IL24: variants seen among roughly 807,000 people sequenced by gnomAD.
The protein encoded by IL24 is interleukin-24.
Under a neutral mutation model 27.6 loss-of-function variants are expected in IL24, and 24 were observed. The ratio of observed to expected loss-of-function variants is 0.87; its 90% CI spans 0.63 to 1.22. IL24 has a LOEUF of 1.22. Ranked by LOEUF, IL24 falls within the 50% of genes most tolerant of loss-of-function variation. IL24 has a pLI of 0.00. For synonymous variants in IL24, 99 were observed against 93.1 expected, an observed-to-expected ratio of 1.06 and a Z score of -0.36; for missense variants, 240 against 237.0, an observed-to-expected ratio of 1.01 and a Z score of -0.08.
chr1:206,897,917 C>T lies in IL24; in HGVS notation c.44+41C>T, dbSNP rs1403617971. ...CCTGTAATCCCAGAACTTTGGGAGG[C>T]TGAGGTGGGCAGATCATTTAAGGTC... On this transcript the variant is annotated intron_variant, in intron 2 of 6. Coordinates refer to ENST00000294984, the MANE Select transcript of IL24 (RefSeq NM_006850.3). 14 of 1,340,954 alleles carry T rather than the reference C, an allele frequency of 1.0e-5. No individual in the cohort carries two copies. In the Admixed American group the frequency reaches 1.9e-4, roughly 18 times the overall value. The allele number at this position is 1,340,954 out of a possible 1,614,324, so 83.1% of individuals were successfully genotyped here.
chr1:206,902,968 C>T lies in IL24; in HGVS notation c.538-8C>T. On this transcript the variant is annotated splice_region_variant and splice_polypyrimidine_tract_variant and intron_variant, in intron 6 of 6. Coordinates refer to ENST00000294984, the MANE Select transcript of IL24 (RefSeq NM_006850.3). ...CATGGCTGACCTTCAACCCTCTTTT[C>T]CCTTTAGTTGGACGTAGAAGCAGCT... is the stretch of plus-strand genomic sequence containing the variant. 2 of 1,614,148 alleles carry T rather than the reference C, an allele frequency of 1.2e-6. No homozygotes were observed. The highest frequency in any genetic ancestry group is 1.7e-6 in the Non-Finnish European group (2 of 1,180,000).
At chr1:206,898,115 C>G (rs548712770) in intron 2 of IL24, among the ~76,000 whole-genome samples, 2 of 145,322 alleles carry the variant, frequency 1.4e-5, no homozygotes, top group Non-Finnish European at 3.0e-5. Context: ...TGCAGTGAGC[C>G]GAGATCATGC....
rs764357673 is a variant in IL24, at chr1:206,902,054, C to A, written c.519C>A (p.Phe173Leu). ...GTGCACACAGGCGGTTTCTGCTATTCCGGAGAGCATTCAAACAGGTAAGGC... is the reference window on the plus strand; with the variant it reads ...GTGCACACAGGCGGTTTCTGCTATTACGGAGAGCATTCAAACAGGTAAGGC... Reference protein sequence around the residue: ...RDSAHRRFLLFRRAFKQLDVE... With the variant: ...RDSAHRRFLLLRRAFKQLDVE... The change falls in exon 6 of 7, where the codon TTC (phenylalanine) becomes TTA (leucine). Residue 173 changes from phenylalanine (F) to leucine (L), a missense_variant. Transcript: ENST00000294984. 8 of 1,613,906 alleles carry A rather than the reference C, an allele frequency of 5.0e-6. No homozygotes were observed. In the Admixed American group the frequency reaches 5.0e-5, roughly 10 times the overall value.
At chr1:206,898,414 A>T (rs1678242190) in intron 2 of IL24, among the ~76,000 whole-genome samples, 1 of 151,850 alleles carries the variant, frequency 6.6e-6, no homozygotes, top group African/African-American at 2.4e-5. Flanking sequence ...TGTGTAAAGA[A>T]GTACGAAAGA....
At chr1:206,897,694 G>A in intron 1 of IL24, 37 bp from the exon 2 acceptor site, 2 of 746,384 alleles carry the variant, frequency 2.7e-6, no homozygotes, top group Admixed American at 2.4e-5. Context: ...GTCAAGGTGG[G>A]GACAGCAGAA....
chr1:206,902,392 C>A, intron 6 of IL24: 1 of 966,292 alleles, frequency 1.0e-6, no homozygotes. Context: ...AGAAGGGAGA[C>A]ACCCCACCCC....
intron 6 of IL24, 109 bp downstream of exon 6, chr1:206,902,181 T>G: frequency 1.4e-6 from 2 of 1,481,168 alleles, no homozygotes; most frequent in East Asian, 4.8e-5. Flanking sequence ...GGGGACACCA[T>G]CAGCTTTGCT....
chr1:206,901,985 C>T lies in IL24; in HGVS notation c.463-13C>T. The T allele has an allele frequency of 6.2e-7, 1 of 1,613,542 alleles. No homozygotes were observed. Among genetic ancestry groups the T allele is most frequent in the Non-Finnish European group, 8.5e-7 (1 of 1,179,600 alleles). On this transcript the variant is annotated splice_polypyrimidine_tract_variant and intron_variant, in intron 5 of 6. Coordinates refer to ENST00000294984, the MANE Select transcript of IL24 (RefSeq NM_006850.3). ...CTAAAAATTGGCACAACTTCTTTTC[C>T]CATGTTATGTAGCAAGAAAATGAGA...
At chr1:206,900,095 T>C (rs1678316167) in intron 3 of IL24, among the ~76,000 whole-genome samples, 200 bp from the exon 4 acceptor site, 1 of 152,162 alleles carries the variant, frequency 6.6e-6, no homozygotes, top group Non-Finnish European at 1.5e-5. Flanking sequence ...AGCTTAGTCA[T>C]TTTCGTGGCT....
Position 206,901,505 on chromosome 1 carries a change from C to T in IL24, c.315C>T (p.Ser105=). ...CAGACCTTCCCCAGGATGCTGAGAGCTGTTACCTTGTCCACACCCTGCTGG... is the reference window on the plus strand; with the variant it reads ...CAGACCTTCCCCAGGATGCTGAGAGTTGTTACCTTGTCCACACCCTGCTGG... ...EVLQNVSDAE[S]CYLVHTLLEF... The change falls in exon 5 of 7, where the codon AGC becomes AGT. Residue 105 remains serine (S), a synonymous_variant. Coordinates refer to ENST00000294984, the MANE Select transcript of IL24 (RefSeq NM_006850.3). 6.2e-7 allele frequency: 1 copy of T among 1,612,406 alleles called. No individual in the cohort carries two copies. Among genetic ancestry groups the T allele is most frequent in the Non-Finnish European group, 8.5e-7 (1 of 1,178,982 alleles).
Position 206,903,102 on chromosome 1 carries a change from C to T in IL24, c.*43C>T, listed in dbSNP as rs1456976317. On this transcript the variant is annotated 3_prime_UTR_variant, in exon 7 of 7. Transcript: ENST00000294984. ...TCCCTCCCCCTGGCACTGGTTTGTTCCCTGTGTCATTTCAAACAGTCTCCC... is the reference window on the plus strand; with the variant it reads ...TCCCTCCCCCTGGCACTGGTTTGTTTCCTGTGTCATTTCAAACAGTCTCCC... 7 of 1,513,928 alleles carry T rather than the reference C, an allele frequency of 4.6e-6. No individual in the cohort carries two copies. Among genetic ancestry groups the T allele is most frequent in the Non-Finnish European group, 6.4e-6 (7 of 1,088,784 alleles). The allele number at this position is 1,513,928 out of a possible 1,614,324, so 93.8% of individuals were successfully genotyped here.
chr1:206,900,592 T>A (rs1678341382), intron 4 of IL24, among the ~76,000 whole-genome samples: 1 of 152,198 alleles, frequency 6.6e-6, no homozygotes, highest in Non-Finnish European at 1.5e-5. Context: ...AACATCTTTC[T>A]CCATTTAGCC....
rs1395658562 is a variant in IL24 at position 206,899,315 on chromosome 1, A to G, written c.45-5A>G. 2 of 1,612,636 alleles carry G rather than the reference A, an allele frequency of 1.2e-6. No homozygotes were observed. The highest frequency in any genetic ancestry group is 1.7e-6 in the Non-Finnish European group (2 of 1,179,544). ...CTCACAGGCTGCCTCCCTTTCTTTC[A>G]GCAGACCCTTCTGCCCTCCTTTGCT... On this transcript the variant is annotated splice_region_variant and splice_polypyrimidine_tract_variant and intron_variant, in intron 2 of 6. Coordinates refer to ENST00000294984, the MANE Select transcript of IL24 (RefSeq NM_006850.3).
Position 206,903,819 on chromosome 1 carries a change from C to T in IL24, c.*760C>T, listed in dbSNP as rs1374271469. 6.6e-6 allele frequency: 1 copy of T among 152,262 alleles called. No homozygotes were observed. Among genetic ancestry groups the T allele is most frequent in the Non-Finnish European group, 1.5e-5 (1 of 68,038 alleles). 9.4% of individuals were successfully genotyped at this position (152,262 alleles called of 1,614,324 possible). On this transcript the variant is annotated 3_prime_UTR_variant, in exon 7 of 7. Coordinates refer to ENST00000294984, the MANE Select transcript of IL24 (RefSeq NM_006850.3). ...GTGACATTGCACCTGGATGTACTAT[C>T]CAATCTGTGATGACATTCCCTGCTA...
At chr1:206,901,971 CACA>C in intron 5 of IL24, 24 bp from the exon 6 acceptor site, 1 of 1,610,926 alleles carries the variant, frequency 6.2e-7, no homozygotes, top group Non-Finnish European at 8.5e-7. Context: ...TAAAAATTGG[CACA>C]ACTTCTTTTC....
intron 3 of IL24, 46 bp downstream of exon 3, chr1:206,899,561 G>T: frequency 6.8e-7 from 1 of 1,470,686 alleles, no homozygotes. Context: ...GTTCCTGGGG[G>T]CAGTGGGCCA....
At chr1:206,901,051 T>C (rs543258687) in intron 4 of IL24, among the ~76,000 whole-genome samples, 7 of 152,278 alleles carry the variant, frequency 4.6e-5, no homozygotes, top group African/African-American at 1.4e-4. Context: ...GCAATTGCTG[T>C]GTCCAAAGAT....
At chr1:206,900,075 T>C (rs1251151849) in intron 3 of IL24, among the ~76,000 whole-genome samples, 1 of 152,186 alleles carries the variant, frequency 6.6e-6, no homozygotes, top group East Asian at 1.9e-4. Flanking sequence ...CATTTGCTCC[T>C]GGGGGGCCAA....
chr1:206,901,408 T>G, intron 4 of IL24, 86 bp from the exon 5 acceptor site: 1 of 1,445,442 alleles, frequency 6.9e-7, no homozygotes, highest in Non-Finnish European at 9.3e-7. Context: ...TGTGCTTATC[T>G]TGCCTTGGGT....
Sources: allele counts gnomAD v4.1 joint callset (sites outside exome capture counted in the v4.1 genomes callset), GRCh38; gene constraint gnomAD v4.1.1; transcripts MANE v1.5; gene names NCBI Gene and HGNC (gene_info 2026-07-23, HGNC 2026-07-21).